CNTNAP2: variants seen among roughly 807,000 people sequenced by gnomAD.
CNTNAP2 encodes contactin-associated protein-like 2.
CNTNAP2 carries 98 observed loss-of-function variants against 155.2 expected under a neutral mutation model. The ratio of observed to expected loss-of-function variants is 0.63; its 90% CI spans 0.54 to 0.75. CNTNAP2 has a LOEUF of 0.75. CNTNAP2 is among the 30% of genes least tolerant of loss of function. The pLI, the probability that CNTNAP2 is intolerant of heterozygous loss-of-function variation, is 0.00. For missense variants in CNTNAP2, 1,727 were observed against 1,688.1 expected, an observed-to-expected ratio of 1.02 and a Z score of -0.40; for synonymous variants, 651 against 631.2, an observed-to-expected ratio of 1.03 and a Z score of -0.47.
At chr7:147,115,447 G>C (rs970799040) in intron 5 of CNTNAP2, among the ~76,000 whole-genome samples, 2 of 152,056 alleles carry the variant, frequency 1.3e-5, no homozygotes, top group Admixed American at 1.3e-4. Flanking sequence ...GTCTCTCCCA[G>C]GTACACCAAT....
chr7:147,775,245 A>T (rs1407223123), intron 13 of CNTNAP2, among the ~76,000 whole-genome samples: 5 of 119,846 alleles, frequency 4.2e-5, no homozygotes, highest in Non-Finnish European at 8.3e-5. Flanking sequence ...ATATATATTT[A>T]TATATATATT....
At chr7:147,943,298 G>A (rs558461529) in intron 14 of CNTNAP2, among the ~76,000 whole-genome samples, 89 of 152,228 alleles carry the variant, frequency 5.8e-4, no homozygotes, top group African/African-American at 1.1e-3. Context: ...GCATTTTTGT[G>A]TAAAGTTTTC....
At chr7:146,658,028 T>A (rs1359252257) in intron 1 of CNTNAP2, among the ~76,000 whole-genome samples, 1 of 152,156 alleles carries the variant, frequency 6.6e-6, no homozygotes, top group East Asian at 1.9e-4. Flanking sequence ...AAAATAATTT[T>A]TAAATTTCTA....
chr7:146,219,471 G>A (rs1316047685), intron 1 of CNTNAP2, among the ~76,000 whole-genome samples: 1 of 152,160 alleles, frequency 6.6e-6, no homozygotes, highest in African/African-American at 2.4e-5. Flanking sequence ...CAAATAATTA[G>A]TAGATAAACC....
At chr7:147,731,484 C>G (rs922326470) in intron 13 of CNTNAP2, among the ~76,000 whole-genome samples, 4 of 151,898 alleles carry the variant, frequency 2.6e-5, no homozygotes, top group Admixed American at 6.6e-5. Flanking sequence ...ACTATTGAGA[C>G]ATACATAGAA....
At chr7:146,982,042 C>T (rs1798028036) in intron 3 of CNTNAP2, among the ~76,000 whole-genome samples, 1 of 152,176 alleles carries the variant, frequency 6.6e-6, no homozygotes, top group Non-Finnish European at 1.5e-5. Context: ...CTTTGAATTT[C>T]ATACAATTTT....
chr7:146,888,049 T>C (rs937297039), intron 3 of CNTNAP2, among the ~76,000 whole-genome samples: 1 of 152,126 alleles, frequency 6.6e-6, no homozygotes, highest in Non-Finnish European at 1.5e-5. Context: ...ATCTAGCCAA[T>C]GAATTAATCT....
intron 9 of CNTNAP2, among the ~76,000 whole-genome samples, chr7:147,385,706 G>C (rs545619582): frequency 4.6e-5 from 7 of 152,344 alleles, no homozygotes; most frequent in Non-Finnish European, 1.0e-4. Flanking sequence ...CTGCTTTCAA[G>C]AGCTGGTGTT....
intron 12 of CNTNAP2, among the ~76,000 whole-genome samples, chr7:147,603,906 G>C (rs1801006606): frequency 6.6e-6 from 1 of 151,924 alleles, no homozygotes; most frequent in South Asian, 2.1e-4. Context: ...AGAGCCCTCA[G>C]AAATAACGCC....
intron 5 of CNTNAP2, among the ~76,000 whole-genome samples, chr7:147,119,897 T>C (rs1801067890): frequency 6.6e-6 from 1 of 152,182 alleles, no homozygotes; most frequent in Non-Finnish European, 1.5e-5. Flanking sequence ...TAATTTTGCC[T>C]GACCATAAAA....
chr7:148,091,860 T>C (rs1183351063), intron 15 of CNTNAP2, among the ~76,000 whole-genome samples: 1 of 152,240 alleles, frequency 6.6e-6, no homozygotes, highest in East Asian at 1.9e-4. Context: ...TGGAAATTGA[T>C]GTATTTATGA....
intron 21 of CNTNAP2, among the ~76,000 whole-genome samples, chr7:148,378,076 C>T (rs1026224595): frequency 1.5e-5 from 1 of 68,002 alleles, no homozygotes; most frequent in African/African-American, 3.6e-5. Flanking sequence ...CCCCATTATA[C>T]GTTGAAAAGC....
intron 15 of CNTNAP2, among the ~76,000 whole-genome samples, chr7:148,060,775 A>G (rs535119553): frequency 6.6e-6 from 1 of 152,336 alleles, no homozygotes; most frequent in Non-Finnish European, 1.5e-5. Flanking sequence ...ATAGATCCTC[A>G]GCGCTGTTGG....
chr7:147,882,272 GAATAGA>G (rs1372370330), intron 13 of CNTNAP2, among the ~76,000 whole-genome samples: 3 of 152,168 alleles, frequency 2.0e-5, no homozygotes, highest in Non-Finnish European at 4.4e-5. Flanking sequence ...AATGGAGGTG[GAATAGA>G]GTCCAGATCT....
intron 18 of CNTNAP2, among the ~76,000 whole-genome samples, chr7:148,213,482 G>GAT (rs1795583087): frequency 6.6e-6 from 1 of 152,038 alleles, no homozygotes; most frequent in Non-Finnish European, 1.5e-5. Flanking sequence ...CCTCAGTCTT[G>GAT]AATTTCAAGC....
At chr7:146,953,055 A>C (rs909356777) in intron 3 of CNTNAP2, among the ~76,000 whole-genome samples, 1 of 152,096 alleles carries the variant, frequency 6.6e-6, no homozygotes, top group African/African-American at 2.4e-5. Context: ...TCTTGGAAGT[A>C]AATGAACAGA....
chr7:147,457,456 C>T (rs1012284781), intron 10 of CNTNAP2, among the ~76,000 whole-genome samples: 3 of 152,160 alleles, frequency 2.0e-5, no homozygotes, highest in Admixed American at 6.5e-5. Context: ...TCCCACTGTT[C>T]TGTATCCCCT....
At chr7:147,121,240 A>G in intron 6 of CNTNAP2, 77 bp downstream of exon 6, 1 of 1,392,914 alleles carries the variant, frequency 7.2e-7, no homozygotes. Context: ...TATTATTGTT[A>G]ATTATATTAC....
chr7:147,781,299 G>A (rs1797658475), intron 13 of CNTNAP2, among the ~76,000 whole-genome samples: 2 of 152,162 alleles, frequency 1.3e-5, no homozygotes, highest in Middle Eastern at 3.2e-3. Flanking sequence ...TGGACACTAA[G>A]TAGAAGAACT....
Sources: allele counts gnomAD v4.1 joint callset (sites outside exome capture counted in the v4.1 genomes callset), GRCh38; gene constraint gnomAD v4.1.1; transcripts MANE v1.5; gene names NCBI Gene and HGNC (gene_info 2026-07-23, HGNC 2026-07-21).